The following SLC9A7 variants were observed in gnomAD, a reference collection of about 807,000 sequenced individuals.
The protein encoded by SLC9A7 is sodium/hydrogen exchanger 7.
A neutral mutation model predicts 52.6 loss-of-function variants in SLC9A7; 19 were observed. The observed-to-expected ratio is 0.36, with a 90% confidence interval of 0.25 to 0.53. SLC9A7 has a LOEUF of 0.53. Among genes scored for constraint, SLC9A7 ranks in the 20% least tolerant of loss-of-function variants. The probability of loss-of-function intolerance (pLI) is 0.91; values close to 1 mark genes in which losing one functional copy is unlikely to be tolerated. For missense variants in SLC9A7, 455 were observed against 597.9 expected (o/e 0.76, Z 2.49); for synonymous variants, 226 against 252.1 (o/e 0.90, Z 0.98).
intron 15 of SLC9A7, among the ~76,000 whole-genome samples, chrX:46,615,461 C>T (rs1476145299): frequency 1.8e-5 from 2 of 110,300 alleles, no homozygotes; most frequent in African/African-American, 6.6e-5. Context: ...TGTCAGTTTT[C>T]TTGTGTCTTT....
At chrX:46,665,083 T>C in intron 5 of SLC9A7, among the ~76,000 whole-genome samples, 1 of 110,946 alleles carries the variant, frequency 9.0e-6, no homozygotes, top group Admixed American at 9.7e-5. Context: ...TGCTGACAAC[T>C]GGAAGACGAT....
At chrX:46,748,364 A>AAGGAAGGAAGGAAGGAAGG (rs1921956088) in intron 1 of SLC9A7, among the ~76,000 whole-genome samples, 2 of 51,251 alleles carry the variant, frequency 3.9e-5, no homozygotes, top group African/African-American at 5.9e-5. Flanking sequence ...AAAAAGAAAG[A>AAGGAAGGAAGGAAGGAAGG]AAGGAAGGAA....
intron 16 of SLC9A7, among the ~76,000 whole-genome samples, chrX:46,607,429 C>CTT (rs1942767887): frequency 9.0e-6 from 1 of 111,421 alleles, no homozygotes; most frequent in Admixed American, 9.5e-5. Context: ...ATTTCAATGT[C>CTT]TGACAGCTTG....
At chrX:46,736,411 C>T (rs1330644944) in intron 1 of SLC9A7, among the ~76,000 whole-genome samples, 2 of 112,204 alleles carry the variant, frequency 1.8e-5, no homozygotes, top group Non-Finnish European at 3.8e-5. Flanking sequence ...ATAGTTCCAA[C>T]ATCTGTGTCA....
chrX:46,677,486 A>AT (rs1247677224), intron 3 of SLC9A7, among the ~76,000 whole-genome samples: 2 of 112,464 alleles, frequency 1.8e-5, no homozygotes, highest in Non-Finnish European at 3.8e-5. Context: ...CTGTTTATCG[A>AT]TGAGTTGGAA....
intron 13 of SLC9A7, 139 bp downstream of exon 13, chrX:46,635,450 C>T (rs2032167436): frequency 8.5e-6 from 4 of 471,148 alleles, no homozygotes; most frequent in Non-Finnish European, 1.5e-5. Context: ...ATTGACTCAA[C>T]CTTTTGCACC....
intron 14 of SLC9A7, among the ~76,000 whole-genome samples, chrX:46,625,447 C>T (rs1000010364): frequency 9.9e-5 from 11 of 110,902 alleles, no homozygotes; most frequent in African/African-American, 3.3e-4. Flanking sequence ...TAGTGGCTCA[C>T]GCCTGTAATC....
chrX:46,702,489 T>C (rs913210864), intron 1 of SLC9A7, among the ~76,000 whole-genome samples: 3 of 111,341 alleles, frequency 2.7e-5, no homozygotes, highest in Non-Finnish European at 5.7e-5. Context: ...TTTATGTCCA[T>C]GTGTACTAAT....
At chrX:46,667,873 A>G (rs1190888079) in intron 5 of SLC9A7, among the ~76,000 whole-genome samples, 2 of 111,970 alleles carry the variant, frequency 1.8e-5, no homozygotes, top group Non-Finnish European at 3.8e-5. Context: ...TATAGGTTTC[A>G]ACTTGGAAAG....
intron 7 of SLC9A7, among the ~76,000 whole-genome samples, chrX:46,656,008 C>T (rs370614819): frequency 9.0e-6 from 1 of 110,875 alleles, no homozygotes; most frequent in East Asian, 2.9e-4. Context: ...GTTCTCCCAG[C>T]ACGCAGCTGG....
intron 14 of SLC9A7, among the ~76,000 whole-genome samples, chrX:46,625,715 A>G (rs1261587989): frequency 6.2e-5 from 4 of 64,989 alleles, no homozygotes; most frequent in African/African-American, 1.8e-4. Context: ...CTCTCTCTCA[A>G]AAAAAAAAAA....
At chrX:46,747,993 T>C (rs1282101448) in intron 1 of SLC9A7, among the ~76,000 whole-genome samples, 1 of 110,975 alleles carries the variant, frequency 9.0e-6, no homozygotes, top group Non-Finnish European at 1.9e-5. Context: ...CCTCAAAAAG[T>C]CAAACATAGA....
At chrX:46,683,182 C>A (rs1312416705) in intron 1 of SLC9A7, among the ~76,000 whole-genome samples, 3 of 108,272 alleles carry the variant, frequency 2.8e-5, no homozygotes, top group Non-Finnish European at 5.7e-5. Context: ...GATGGGATGA[C>A]AAGCAGCAAA....
At chrX:46,695,424 C>T (rs1401441627) in intron 1 of SLC9A7, among the ~76,000 whole-genome samples, 1 of 112,266 alleles carries the variant, frequency 8.9e-6, no homozygotes, top group African/African-American at 3.2e-5. Context: ...AAACGTAAAT[C>T]CTTCAGGACC....
chrX:46,757,891 C>T (rs1205430743), intron 1 of SLC9A7, among the ~76,000 whole-genome samples: 1 of 111,407 alleles, frequency 9.0e-6, no homozygotes, highest in Non-Finnish European at 1.9e-5. Context: ...GTAGCATCAG[C>T]CCACCCCTAA....
At chrX:46,717,329 C>T (rs763015666) in intron 1 of SLC9A7, among the ~76,000 whole-genome samples, 3 of 111,961 alleles carry the variant, frequency 2.7e-5, no homozygotes, top group African/African-American at 6.5e-5. Context: ...AAAATTACTG[C>T]ACAAGGAGCA....
At chrX:46,752,493 C>G (rs1355650311) in intron 1 of SLC9A7, among the ~76,000 whole-genome samples, 2 of 111,144 alleles carry the variant, frequency 1.8e-5, no homozygotes, top group Non-Finnish European at 3.8e-5. Context: ...TTTGAAGAGT[C>G]TGGGGCAACT....
chrX:46,746,243 C>T (rs748595336), intron 1 of SLC9A7, among the ~76,000 whole-genome samples: 1 of 110,620 alleles, frequency 9.0e-6, no homozygotes, highest in Admixed American at 9.7e-5. Flanking sequence ...GCAGGAGAAT[C>T]GCTTGAACCC....
At chrX:46,626,378 G>A (rs1327260812) in intron 14 of SLC9A7, among the ~76,000 whole-genome samples, 1 of 111,469 alleles carries the variant, frequency 9.0e-6, no homozygotes, top group Non-Finnish European at 1.9e-5. Context: ...GGGATCAAGC[G>A]ATTCTCCTGC....
Sources: gnomAD v4.1 joint callset for allele counts (sites outside exome capture counted in the v4.1 genomes callset) on GRCh38, gnomAD v4.1.1 for gene constraint, MANE v1.5 for transcripts, NCBI Gene and HGNC (gene_info 2026-07-23, HGNC 2026-07-21) for gene names.